The following CPNE8 variants were observed in gnomAD, a reference collection of about 807,000 sequenced individuals.
CPNE8 encodes copine-8.
In CPNE8, 45 loss-of-function variants were observed where a neutral mutation model predicts 81.5. The observed-to-expected ratio is 0.55, with a 90% CI of 0.44 to 0.71. The LOEUF is 0.71. CPNE8 is among the 30% of genes least tolerant of loss of function. The probability of loss-of-function intolerance (pLI) is 0.00; values close to 1 mark genes in which losing one functional copy is unlikely to be tolerated. For synonymous variants in CPNE8, 252 were observed against 226.3 expected, an observed-to-expected ratio of 1.11 and a Z score of -1.02; for missense variants, 594 against 672.1, an observed-to-expected ratio of 0.88 and a Z score of 1.28.
intron 8 of CPNE8, among the ~76,000 whole-genome samples, chr12:38,764,414 G>T (rs372814509): frequency 1.3e-5 from 2 of 151,342 alleles, no homozygotes; most frequent in African/African-American, 4.9e-5. Context: ...TCAGGAGATC[G>T]AGACCATCCC....
chr12:38,882,611 C>G (rs1280684120), intron 1 of CPNE8, among the ~76,000 whole-genome samples: 1 of 152,108 alleles, frequency 6.6e-6, no homozygotes, highest in Non-Finnish European at 1.5e-5. Flanking sequence ...CTCCCATATC[C>G]CAGTTCATTC....
chr12:38,757,577 T>A (rs1378413627), intron 10 of CPNE8, among the ~76,000 whole-genome samples: 1 of 152,028 alleles, frequency 6.6e-6, no homozygotes, highest in African/African-American at 2.4e-5. Context: ...AAAAGGGTTA[T>A]CAAGAATTAT....
intron 6 of CPNE8, among the ~76,000 whole-genome samples, chr12:38,787,655 C>A (rs764918715): frequency 6.6e-6 from 1 of 151,216 alleles, no homozygotes; most frequent in Admixed American, 6.6e-5. Context: ...CTCAATGAAA[C>A]AAAGTTAGGT....
chr12:38,833,741 G>T (rs1293185351), intron 5 of CPNE8, among the ~76,000 whole-genome samples: 1 of 152,022 alleles, frequency 6.6e-6, no homozygotes, highest in Non-Finnish European at 1.5e-5. Flanking sequence ...TCCTCCCAAA[G>T]TGCTGGGATT....
rs955857215 is a variant in CPNE8, at chr12:38,718,455, A to T, written c.914+5317T>A. Among the ~76,000 whole-genome samples, 5 of 152,334 alleles carry T rather than the reference A, an allele frequency of 3.3e-5. No individual in the cohort carries two copies. The East Asian group carries it at 9.6e-4, about 29-fold the overall frequency. ...TGGTTTGACATGAGCTTTTACAGGAAACATGAAAATAGCTGATAAAAAGGT... is the reference window on the plus strand; with the variant it reads ...TGGTTTGACATGAGCTTTTACAGGATACATGAAAATAGCTGATAAAAAGGT... On this transcript the variant is annotated intron_variant, in intron 13 of 19. Transcript: ENST00000331366.
intron 6 of CPNE8, among the ~76,000 whole-genome samples, chr12:38,802,749 T>C (rs1375370331): frequency 6.7e-6 from 1 of 149,430 alleles, no homozygotes; most frequent in African/African-American, 2.5e-5. Flanking sequence ...ACAAAATTGA[T>C]AGACCGCTAG....
chr12:38,844,880 C>A (rs552355915), intron 4 of CPNE8, among the ~76,000 whole-genome samples: 1 of 152,244 alleles, frequency 6.6e-6, no homozygotes, highest in South Asian at 2.1e-4. Context: ...CAAAACAATT[C>A]TGAAAACCAT....
chr12:38,872,912 T>TA (rs1944012825), intron 3 of CPNE8, 92 bp downstream of exon 3: 2 of 760,868 alleles, frequency 2.6e-6, no homozygotes, highest in African/African-American at 1.8e-5. Flanking sequence ...CAAAAGGACT[T>TA]ACAATGGAAA....
At chr12:38,888,979 G>A (rs986255431) in intron 1 of CPNE8, among the ~76,000 whole-genome samples, 9 of 152,116 alleles carry the variant, frequency 5.9e-5, no homozygotes, top group Non-Finnish European at 1.2e-4. Context: ...TAATTATCAA[G>A]CACTTTCTAT....
intron 1 of CPNE8, among the ~76,000 whole-genome samples, chr12:38,890,138 T>C (rs1944292667): frequency 6.6e-6 from 1 of 152,200 alleles, no homozygotes; most frequent in Admixed American, 6.5e-5. Context: ...TACCATTTAT[T>C]GACCTCATTG....
At chr12:38,876,298 G>A (rs147231395) in intron 1 of CPNE8, among the ~76,000 whole-genome samples, 4 of 152,222 alleles carry the variant, frequency 2.6e-5, no homozygotes, top group South Asian at 2.1e-4. Context: ...TGCAACCTCC[G>A]CCTTCCAGGT....
At chr12:38,866,681 C>A (rs139748221) in intron 3 of CPNE8, among the ~76,000 whole-genome samples, 1 of 152,126 alleles carries the variant, frequency 6.6e-6, no homozygotes. Context: ...GCTCCCATAA[C>A]TAGTTATCAT....
intron 18 of CPNE8, 44 bp from the exon 19 acceptor site, chr12:38,670,846 A>C: frequency 2.2e-6 from 3 of 1,392,330 alleles, no homozygotes; most frequent in Non-Finnish European, 3.0e-6. Flanking sequence ...ATTTTAGCCA[A>C]ATACTAAAAC....
intron 6 of CPNE8, among the ~76,000 whole-genome samples, chr12:38,814,309 CTTTTTTTTTTTT>C (rs61444154): frequency 4.1e-5 from 2 of 49,170 alleles, no homozygotes; most frequent in Non-Finnish European, 6.9e-5. Context: ...CCAGACCTGG[CTTTTTTTTTTTT>C]TTTTTTTTTT....
chr12:38,749,319 G>C (rs1447196040), intron 10 of CPNE8, among the ~76,000 whole-genome samples: 1 of 150,524 alleles, frequency 6.6e-6, no homozygotes, highest in Non-Finnish European at 1.5e-5. Flanking sequence ...TTTGTAAATT[G>C]CCCAGTTTCA....
intron 2 of CPNE8, among the ~76,000 whole-genome samples, chr12:38,873,971 T>C (rs1944027781): frequency 1.3e-5 from 2 of 151,978 alleles, no homozygotes; most frequent in African/African-American, 2.4e-5. Flanking sequence ...TCTTTTTTTT[T>C]TAAGAGACGG....
chr12:38,840,379 T>A (rs984019561), intron 4 of CPNE8, among the ~76,000 whole-genome samples: 1 of 152,156 alleles, frequency 6.6e-6, no homozygotes, highest in Non-Finnish European at 1.5e-5. Flanking sequence ...CTTGAGGTGA[T>A]AGAAATGTTC....
intron 6 of CPNE8, among the ~76,000 whole-genome samples, chr12:38,794,718 G>A (rs1212506609): frequency 6.6e-6 from 1 of 151,932 alleles, no homozygotes; most frequent in African/African-American, 2.4e-5. Context: ...TGCACTATTG[G>A]TGGGATTATA....
chr12:38,733,204 A>T (rs890456651), intron 10 of CPNE8, among the ~76,000 whole-genome samples: 2 of 151,890 alleles, frequency 1.3e-5, no homozygotes, highest in South Asian at 4.1e-4. Flanking sequence ...TTTGTTATAG[A>T]TCTCTTTTAA....
Sources: allele counts gnomAD v4.1 joint callset (sites outside exome capture counted in the v4.1 genomes callset), GRCh38; gene constraint gnomAD v4.1.1; transcripts MANE v1.5; gene names NCBI Gene and HGNC (gene_info 2026-07-23, HGNC 2026-07-21).